The following SH3RF3 variants were observed in gnomAD, a reference collection of about 807,000 sequenced individuals.
SH3RF3 encodes the protein SH3 domain containing ring finger 3.
Under a neutral mutation model 66.3 loss-of-function variants are expected in SH3RF3, and 29 were observed. The observed-to-expected ratio is 0.44, with a 90% CI of 0.33 to 0.60. The LOEUF is 0.60. Among genes scored for constraint, SH3RF3 ranks in the 20% least tolerant of loss-of-function variants. The pLI, the probability that SH3RF3 is intolerant of heterozygous loss-of-function variation, is 0.04. For synonymous variants in SH3RF3, 583 were observed against 532.0 expected (o/e 1.10, Z -1.32); for missense variants, 1,194 against 1,190.9 (o/e 1.00, Z -0.04).
intron 4 of SH3RF3, among the ~76,000 whole-genome samples, chr2:109,404,732 A>G (rs1172052559): frequency 1.8e-4 from 27 of 151,934 alleles, no homozygotes; most frequent in Non-Finnish European, 3.4e-4. Flanking sequence ...TCATTGACCT[A>G]CTGCTTCCTC....
chr2:109,300,117 C>T lies in SH3RF3; in HGVS notation c.574-47557C>T, dbSNP rs528945454. Among the ~76,000 whole-genome samples the T allele has an allele frequency of 8.5e-5, 13 of 152,276 alleles. 1 individual carries two copies. Among genetic ancestry groups the T allele is most frequent in the East Asian group, 5.8e-4 (3 of 5,186 alleles). ...GATAAGAGAGGTGGACATTTGATGACAGCTAGGTGCATGTGTCCCTGCACA... is the reference window on the plus strand; with the variant it reads ...GATAAGAGAGGTGGACATTTGATGATAGCTAGGTGCATGTGTCCCTGCACA... On this transcript the variant is annotated intron_variant, in intron 1 of 9. Transcript: ENST00000309415.
At chr2:109,415,517 C>T (rs1676699541) in intron 4 of SH3RF3, among the ~76,000 whole-genome samples, 2 of 152,094 alleles carry the variant, frequency 1.3e-5, no homozygotes, top group Admixed American at 6.5e-5. Context: ...GTGTCCAGAC[C>T]CCCTCCTGAC....
At chr2:109,205,320 G>C (rs1047565157) in intron 1 of SH3RF3, among the ~76,000 whole-genome samples, 2 of 151,050 alleles carry the variant, frequency 1.3e-5, no homozygotes, top group Non-Finnish European at 1.5e-5. Context: ...GAGTGCAGTG[G>C]CTCAATCTCA....
intron 1 of SH3RF3, among the ~76,000 whole-genome samples, chr2:109,329,090 C>T (rs1337992223): frequency 6.6e-6 from 1 of 152,172 alleles, no homozygotes; most frequent in African/African-American, 2.4e-5. Flanking sequence ...GAATATTTAT[C>T]TCTTCCTTTT....
chr2:109,312,074 T>C (rs918756588), intron 1 of SH3RF3, among the ~76,000 whole-genome samples: 1 of 152,178 alleles, frequency 6.6e-6, no homozygotes, highest in Admixed American at 6.5e-5. Flanking sequence ...GGAACCTTGG[T>C]GTATGTGTTT....
chr2:109,483,254 A>T (rs1678881171), intron 8 of SH3RF3, among the ~76,000 whole-genome samples: 1 of 152,228 alleles, frequency 6.6e-6, no homozygotes, highest in African/African-American at 2.4e-5. Context: ...TCCAAGTATA[A>T]CTTGCAACCC....
chr2:109,398,631 A>T lies in SH3RF3; in HGVS notation c.987A>T (p.Pro329=), dbSNP rs538975074. 3.8e-4 allele frequency: 610 copies of T among 1,595,216 alleles called. 8 individuals are homozygous for T. In the South Asian group the frequency reaches 6.6e-3, roughly 17 times the overall value. The change falls in exon 4 of 10, where the codon CCA becomes CCT. Residue 329 remains proline, a synonymous_variant. Transcript: ENST00000309415. ...SAKQLIEMDK[P]CPAAASSCNA... ...AGCAGCTCATTGAGATGGACAAGCC[A>T]TGCCCAGCCGCTGCATCCAGCTGCA...
intron 1 of SH3RF3, among the ~76,000 whole-genome samples, chr2:109,240,838 A>ACACCCC (rs1339319469): frequency 4.0e-5 from 6 of 150,852 alleles, no homozygotes; most frequent in Admixed American, 1.3e-4. Flanking sequence ...TGGACTCCTG[A>ACACCCC]CACCCCCACC....
rs542860240 is a variant in SH3RF3, at chr2:109,404,374, T to C, written c.1299+5431T>C. Among the ~76,000 whole-genome samples, 75 of 152,272 alleles carry C rather than the reference T, an allele frequency of 4.9e-4. 2 individuals carry two copies. In the South Asian group the frequency reaches 0.015, roughly 29 times the overall value. On this transcript the variant is annotated intron_variant, in intron 4 of 9. Coordinates refer to ENST00000309415, the MANE Select transcript of SH3RF3 (RefSeq NM_001099289.3). ...GGCCTGGCGGGGAGTGGGGTGCCGA[T>C]GCAGAACAGGCCAGCGCCTGGCCTC...
chr2:109,345,787 G>A (rs1249938624), intron 1 of SH3RF3, among the ~76,000 whole-genome samples: 1 of 152,116 alleles, frequency 6.6e-6, no homozygotes. Flanking sequence ...AACCAAACAG[G>A]CTGGGCCAGG....
chr2:109,416,889 AGT>A (rs1379098173), intron 4 of SH3RF3, among the ~76,000 whole-genome samples: 1 of 143,560 alleles, frequency 7.0e-6, no homozygotes, highest in Non-Finnish European at 1.5e-5. Flanking sequence ...TGGGCGACAG[AGT>A]GAGACTTCAT....
chr2:109,245,950 C>T (rs1162048396), intron 1 of SH3RF3, among the ~76,000 whole-genome samples: 2 of 152,190 alleles, frequency 1.3e-5, no homozygotes, highest in African/African-American at 4.8e-5. Context: ...AAAAAAATTA[C>T]TGCTATAATG....
At chr2:109,474,777 C>T (rs1056300304) in intron 8 of SH3RF3, among the ~76,000 whole-genome samples, 21 of 152,200 alleles carry the variant, frequency 1.4e-4, no homozygotes, top group African/African-American at 4.8e-4. Context: ...CCCTGCACAC[C>T]CTGGGACAGG....
intron 8 of SH3RF3, among the ~76,000 whole-genome samples, chr2:109,488,511 C>T (rs1679040501): frequency 6.6e-6 from 1 of 152,316 alleles, no homozygotes; most frequent in Non-Finnish European, 1.5e-5. Flanking sequence ...GGCCTTATGC[C>T]CTGCCTACAT....
chr2:109,300,235 T>G (rs188504032), intron 1 of SH3RF3, among the ~76,000 whole-genome samples: 177 of 152,304 alleles, frequency 1.2e-3, no homozygotes, highest in African/African-American at 4.2e-3. Flanking sequence ...AGTCTCACTC[T>G]GTCGCCCAGG....
intron 2 of SH3RF3, among the ~76,000 whole-genome samples, chr2:109,370,302 C>T (rs1439660149): frequency 8.6e-5 from 13 of 151,604 alleles, no homozygotes; most frequent in South Asian, 6.3e-4. Context: ...TGCAGAGGTA[C>T]GATCTCGGCT....
chr2:109,377,167 T>C lies in SH3RF3; in HGVS notation c.945+5486T>C, dbSNP rs559379717. ...TTTCCCATTGATTGTCTGTTTCTAA[T>C]TGAGCAGCTTTTCAGGGGCATGTGA... is the stretch of plus-strand genomic sequence containing the variant. On this transcript the variant is annotated intron_variant, in intron 3 of 9. Transcript: ENST00000309415. 4.6e-5 allele frequency among the ~76,000 whole-genome samples: 7 copies of C among 152,348 alleles called. No homozygotes were observed. In the South Asian group the frequency reaches 1.4e-3, roughly 32 times the overall value.
chr2:109,404,214 C>T (rs1479957999), intron 4 of SH3RF3, among the ~76,000 whole-genome samples: 1 of 152,122 alleles, frequency 6.6e-6, no homozygotes, highest in African/African-American at 2.4e-5. Flanking sequence ...GACTGACACC[C>T]ACACAGCCTG....
intron 8 of SH3RF3, among the ~76,000 whole-genome samples, chr2:109,490,206 C>G (rs1050366773): frequency 4.6e-5 from 7 of 152,212 alleles, no homozygotes; most frequent in Admixed American, 6.5e-5. Context: ...CATGTAGGCA[C>G]CAGCCTTGGA....
Sources: allele counts gnomAD v4.1 joint callset (sites outside exome capture counted in the v4.1 genomes callset), GRCh38; gene constraint gnomAD v4.1.1; transcripts MANE v1.5; gene names NCBI Gene and HGNC (gene_info 2026-07-23, HGNC 2026-07-21).